ZSCAN29: variants seen among roughly 807,000 people sequenced by gnomAD.
ZSCAN29 encodes the protein zinc finger and SCAN domain-containing protein 29.
A neutral mutation model predicts 71.9 loss-of-function variants in ZSCAN29; 55 were observed. The ratio of observed to expected loss-of-function variants is 0.76; its 90% CI spans 0.62 to 0.96. The LOEUF (loss-of-function observed/expected upper bound fraction) is 0.96. Ranked by LOEUF, ZSCAN29 falls within the 40% of genes least tolerant of loss-of-function variation. The probability of loss-of-function intolerance (pLI) is 0.00; values close to 1 mark genes in which losing one functional copy is unlikely to be tolerated. For missense variants in ZSCAN29, 1,042 were observed against 1,042.2 expected (o/e 1.00, Z 0.00); for synonymous variants, 351 against 371.6 (o/e 0.94, Z 0.64).
rs1195531125 is a variant in ZSCAN29 at position 43,359,546 on chromosome 15, A to G, written c.*1527T>C. 1 of 152,282 alleles carries G rather than the reference A, an allele frequency of 6.6e-6. No individual in the cohort carries two copies. Among genetic ancestry groups the G allele is most frequent in the African/African-American group, 2.4e-5 (1 of 41,472 alleles). 9.4% of individuals were successfully genotyped at this position (152,282 alleles called of 1,614,324 possible). ...CCATTAGGGTAAAGGGCCTGTTCGCACACAGTAGTCCATTTTCCCAATACA... is the reference window on the plus strand; with the variant it reads ...CCATTAGGGTAAAGGGCCTGTTCGCGCACAGTAGTCCATTTTCCCAATACA... On this transcript the variant is annotated 3_prime_UTR_variant, in exon 6 of 6. Coordinates refer to ENST00000684362, the MANE Select transcript of ZSCAN29 (RefSeq NM_001372080.1).
rs1415452107 is a variant in ZSCAN29 at position 43,358,633 on chromosome 15, T to C, written c.*2440A>G. The C allele has an allele frequency of 1.3e-5, 2 of 152,270 alleles. No individual in the cohort carries two copies. The highest frequency in any genetic ancestry group is 2.9e-5 in the Non-Finnish European group (2 of 68,054). The allele number at this position is 152,270 out of a possible 1,614,324, so 9.4% of individuals were successfully genotyped here. A position where few individuals can be genotyped will look rare whatever the true frequency, so the allele number is the denominator to read the frequency against. Reference sequence around the variant, plus strand: ...TCTTATTCCAGCCACAGAATTCTAATTGAATGTGAAACGGCTACTTATCCC... The same window carrying C: ...TCTTATTCCAGCCACAGAATTCTAACTGAATGTGAAACGGCTACTTATCCC... On this transcript the variant is annotated 3_prime_UTR_variant, in exon 6 of 6. Transcript: ENST00000684362.
chr15:43,363,803 G>A (rs2044006447), intron 5 of ZSCAN29, 112 bp downstream of exon 5: 11 of 1,044,086 alleles, frequency 1.1e-5, no homozygotes, highest in Non-Finnish European at 1.5e-5. Flanking sequence ...GTGGTCACAA[G>A]AAGAATCCAT....
At chr15:43,363,081 G>A (rs1249669768) in intron 5 of ZSCAN29, among the ~76,000 whole-genome samples, 1 of 151,792 alleles carries the variant, frequency 6.6e-6, no homozygotes, top group Non-Finnish European at 1.5e-5. Flanking sequence ...AGGTTCAAGC[G>A]ATTCTCCTGC....
At chr15:43,363,708 A>T (rs973793254) in intron 5 of ZSCAN29, 20 of 516,634 alleles carry the variant, frequency 3.9e-5, no homozygotes, top group Non-Finnish European at 6.1e-5. Flanking sequence ...CAGCTATCTC[A>T]GATTGATGCT....
rs1274292869 is a variant in ZSCAN29 at position 43,364,332 on chromosome 15, C to T, written c.1273G>A (p.Glu425Lys). 6.2e-7 allele frequency: 1 copy of T among 1,614,146 alleles called. No homozygotes were observed. Among genetic ancestry groups the T allele is most frequent in the Non-Finnish European group, 8.5e-7 (1 of 1,180,030 alleles). ...ETKTYLAILS[E>K]TQFYEALRNC... ...CGGAGGGCTTCATAAAACTGGGTCT[C>T]ACTAAGAATTGCAAGGTAAGTCTTG... The change falls in exon 5 of 6, where the codon GAG becomes AAG. Residue 425 changes from glutamate to lysine, a missense_variant. Coordinates refer to ENST00000684362, the MANE Select transcript of ZSCAN29 (RefSeq NM_001372080.1).
chr15:43,362,470 G>C (rs1292239069), intron 5 of ZSCAN29, among the ~76,000 whole-genome samples: 1 of 152,266 alleles, frequency 6.6e-6, no homozygotes, highest in African/African-American at 2.4e-5. Flanking sequence ...AGAAAAATAT[G>C]TAGTGTCTTT....
At position 43,364,355 on chromosome 15, in the gene ZSCAN29, T is replaced by C; in HGVS notation, c.1250A>G (p.Lys417Arg). 6.2e-7 allele frequency: 1 copy of C among 1,614,102 alleles called. No homozygotes were observed. Among genetic ancestry groups the C allele is most frequent in the Non-Finnish European group, 8.5e-7 (1 of 1,180,030 alleles). The change falls in exon 5 of 6, where the codon AAG (lysine) becomes AGG (arginine). Residue 417 changes from lysine (K) to arginine (R), a missense_variant. Coordinates refer to ENST00000684362, the MANE Select transcript of ZSCAN29 (RefSeq NM_001372080.1). ...CTCACTAAGAATTGCAAGGTAAGTC[T>C]TGGTCTCTTCATAGCCCCAGTGTAC... ...GGVHWGYEET[K>R]TYLAILSETQ...
chr15:43,366,683 G>A lies in ZSCAN29; in HGVS notation c.649C>T (p.His217Tyr), dbSNP rs2044043250. 1.9e-6 allele frequency: 3 copies of A among 1,614,108 alleles called. No homozygotes were observed. The highest frequency in any genetic ancestry group is 1.3e-5 in the African/African-American group (1 of 74,944). Residue 217 changes from histidine (H) to tyrosine (Y), a missense_variant, in exon 4 of 6, where the codon CAT becomes TAT. Transcript: ENST00000684362. ...SGSHIGDRRV[H>Y]ADLLPSKKDR... Reference sequence around the variant, plus strand: ...TTCTTGGATGGTAACAGATCAGCATGCACTCGTCTGTCTCCTATGTGGCTG... The same window carrying A: ...TTCTTGGATGGTAACAGATCAGCATACACTCGTCTGTCTCCTATGTGGCTG...
rs979440639 is a variant in ZSCAN29, at chr15:43,366,492, C to T, written c.840G>A (p.Gly280=). 35 of 1,614,116 alleles carry T rather than the reference C, an allele frequency of 2.2e-5. No individual in the cohort carries two copies. Among genetic ancestry groups the T allele is most frequent in the Non-Finnish European group, 2.9e-5 (34 of 1,180,044 alleles). Residue 280 remains glycine, a synonymous_variant, in exon 4 of 6, where the codon GGG becomes GGA. Transcript: ENST00000684362. ...ATTCCCTGAGCCGCTCAGCCACAGC[C>T]CCATACACTTGGCTGTTCCTATGGC... The part of the protein sequence containing the change: ...RNCHRNSQVY[G]AVAERLREYG...
At chr15:43,363,164 A>G (rs2043999941) in intron 5 of ZSCAN29, among the ~76,000 whole-genome samples, 1 of 152,148 alleles carries the variant, frequency 6.6e-6, no homozygotes, top group African/African-American at 2.4e-5. Flanking sequence ...TTTTTAATAG[A>G]GATGGGGTTT....
chr15:43,363,915 C>G lies in ZSCAN29; in HGVS notation c.1690G>C (p.Gly564Arg). 5 of 1,586,020 alleles carry G rather than the reference C, an allele frequency of 3.2e-6. No homozygotes were observed. Among genetic ancestry groups the G allele is most frequent in the Non-Finnish European group, 4.3e-6 (5 of 1,163,700 alleles). ...TACCATAATAGTGAAATAATCTTAC[C>G]ACGGGGGCTTTGGAATAACACTGGA... ...RAPVLFQSPR[G>R]FEAGFENEDN... Residue 564 changes from glycine (G) to arginine (R), a missense_variant and splice_region_variant, in exon 5 of 6, where the codon GGT becomes CGT. Transcript: ENST00000684362.
At position 43,360,957 on chromosome 15, in the gene ZSCAN29, C is replaced by T; in HGVS notation, c.*116G>A. On this transcript the variant is annotated 3_prime_UTR_variant, in exon 6 of 6. Coordinates refer to ENST00000684362, the MANE Select transcript of ZSCAN29 (RefSeq NM_001372080.1). ...ACAAGGAACAAACAGTGGCATAAATCCTAAAGTGAATTTCCTAAGCTAACT... is the reference window on the plus strand; with the variant it reads ...ACAAGGAACAAACAGTGGCATAAATTCTAAAGTGAATTTCCTAAGCTAACT... 3 of 1,371,490 alleles carry T rather than the reference C, an allele frequency of 2.2e-6. No individual in the cohort carries two copies. The highest frequency in any genetic ancestry group is 3.0e-6 in the Non-Finnish European group (3 of 1,015,430). The allele number at this position is 1,371,490 out of a possible 1,614,324, so 85.0% of individuals were successfully genotyped here.
chr15:43,362,023 C>T, intron 5 of ZSCAN29, 82 bp from the exon 6 acceptor site: 6 of 1,378,558 alleles, frequency 4.4e-6, no homozygotes, highest in Non-Finnish European at 5.9e-6. Flanking sequence ...GAAAAACAAG[C>T]ATTACACCAC....
intron 3 of ZSCAN29, 136 bp from the exon 4 acceptor site, chr15:43,366,944 T>G: frequency 1.2e-6 from 1 of 816,264 alleles, no homozygotes; most frequent in Non-Finnish European, 1.9e-6. Flanking sequence ...GAAAGTTCAG[T>G]GGGCTGAAAA....
chr15:43,361,606 T>A lies in ZSCAN29; in HGVS notation c.2026A>T (p.Asn676Tyr). The A allele has an allele frequency of 2.5e-6, 4 of 1,614,204 alleles. No individual in the cohort carries two copies. Among genetic ancestry groups the A allele is most frequent in the Non-Finnish European group, 3.4e-6 (4 of 1,180,026 alleles). Reference protein sequence around the residue: ...LMHQVSHQVENPYKCADCGKS... With the variant: ...LMHQVSHQVEYPYKCADCGKS... ...CCACAATCAGCACATTTATATGGAT[T>A]TTCCACCTGGTGGGATACCTGATGC... The change falls in exon 6 of 6, where the codon AAT (asparagine) becomes TAT (tyrosine). Residue 676 changes from asparagine (N) to tyrosine (Y), a missense_variant. Transcript: ENST00000684362.
chr15:43,369,021 G>C lies in ZSCAN29; in HGVS notation c.425C>G (p.Pro142Arg). Reference protein sequence around the residue: ...SVRQESVEPQPRGVPKKERAR... With the variant: ...SVRQESVEPQRRGVPKKERAR... ...CCTCTCTTTCTTGGGTACACCCCTG[G>C]GCTGGGGTTCCACTGACTCCTGCCG... is the stretch of plus-strand genomic sequence containing the variant. The change falls in exon 3 of 6, where the codon CCC (proline) becomes CGC (arginine). Residue 142 changes from proline to arginine, a missense_variant. Transcript: ENST00000684362. 1.2e-6 allele frequency: 2 copies of C among 1,612,800 alleles called. No homozygotes were observed. The highest frequency in any genetic ancestry group is 1.7e-6 in the Non-Finnish European group (2 of 1,179,452).
chr15:43,370,413 T>TC (rs2044091908), intron 1 of ZSCAN29, 145 bp downstream of exon 1: 2 of 153,320 alleles, frequency 1.3e-5, no homozygotes, highest in Non-Finnish European at 2.9e-5. Flanking sequence ...ATCTCCGCAG[T>TC]CCTTCCCGAG....
chr15:43,368,564 G>C (rs1219473176), intron 3 of ZSCAN29, among the ~76,000 whole-genome samples: 1 of 145,010 alleles, frequency 6.9e-6, no homozygotes, highest in Non-Finnish European at 1.5e-5. Flanking sequence ...AAAAAGAATG[G>C]ATCTTCTGGG....
chr15:43,371,018 C>A lies in ZSCAN29; in HGVS notation c.-573G>T, dbSNP rs2044107181. ...GCCCCGGCCCCGGCTCTCCAGCCTC[C>A]CAAGTACAGCTCCCAAACCGGAAGT... On this transcript the variant is annotated 5_prime_UTR_variant, in exon 1 of 6. Coordinates refer to ENST00000684362, the MANE Select transcript of ZSCAN29 (RefSeq NM_001372080.1). 2.3e-6 allele frequency: 1 copy of A among 429,112 alleles called. No individual in the cohort carries two copies. The highest frequency in any genetic ancestry group is 4.4e-6 in the Non-Finnish European group (1 of 228,978). The allele number at this position is 429,112 out of a possible 1,614,324, so 26.6% of individuals were successfully genotyped here.
Sources: allele counts gnomAD v4.1 joint callset (sites outside exome capture counted in the v4.1 genomes callset), GRCh38; gene constraint gnomAD v4.1.1; transcripts MANE v1.5; gene names NCBI Gene and HGNC (gene_info 2026-07-23, HGNC 2026-07-21).